PTPRT: variants seen among roughly 807,000 people sequenced by gnomAD.
The protein encoded by PTPRT is receptor-type tyrosine-protein phosphatase T.
PTPRT carries 56 observed loss-of-function variants against 176.8 expected under a neutral mutation model. The observed-to-expected ratio is 0.32, with a 90% confidence interval of 0.26 to 0.40. The LOEUF is 0.40. Ranked by LOEUF, PTPRT falls within the 10% of genes least tolerant of loss-of-function variation. The pLI is 1.00. For synonymous variants in PTPRT, 783 were observed against 739.0 expected (o/e 1.06, Z -0.96); for missense variants, 1,540 against 1,908.2 (o/e 0.81, Z 3.60).
intron 7 of PTPRT, among the ~76,000 whole-genome samples, chr20:42,479,060 T>G (rs931409397): frequency 2.0e-5 from 3 of 152,206 alleles, no homozygotes; most frequent in Non-Finnish European, 4.4e-5. Flanking sequence ...TAAGTCAGAA[T>G]TGGCTCCCTT....
intron 1 of PTPRT, among the ~76,000 whole-genome samples, chr20:42,900,627 C>T (rs562042575): frequency 6.6e-6 from 1 of 152,280 alleles, no homozygotes; most frequent in South Asian, 2.1e-4. Context: ...GCATGGTGGG[C>T]CCTCCTCAGT....
chr20:42,856,157 A>G (rs548300665), intron 2 of PTPRT, among the ~76,000 whole-genome samples: 2 of 152,342 alleles, frequency 1.3e-5, no homozygotes, highest in East Asian at 1.9e-4. Context: ...CAGAATTTCA[A>G]TAAATTTAGA....
At chr20:43,148,207 A>T (rs552287123) in intron 1 of PTPRT, among the ~76,000 whole-genome samples, 8 of 152,250 alleles carry the variant, frequency 5.3e-5, no homozygotes, top group African/African-American at 1.9e-4. Flanking sequence ...CAATCTGCAT[A>T]TCCTCATATT....
At chr20:42,728,756 C>T (rs191667622) in intron 6 of PTPRT, among the ~76,000 whole-genome samples, 1 of 152,292 alleles carries the variant, frequency 6.6e-6, no homozygotes, top group Admixed American at 6.5e-5. Context: ...CTAAATGTGA[C>T]GTTGCTCACC....
chr20:42,695,089 T>C (rs970976754), intron 6 of PTPRT, among the ~76,000 whole-genome samples: 2 of 152,196 alleles, frequency 1.3e-5, no homozygotes, highest in African/African-American at 4.8e-5. Context: ...TGTTTTGTCA[T>C]TGAGTTTTAA....
At chr20:43,164,418 C>T (rs990948907) in intron 1 of PTPRT, among the ~76,000 whole-genome samples, 2 of 152,170 alleles carry the variant, frequency 1.3e-5, no homozygotes, top group Non-Finnish European at 2.9e-5. Context: ...TAAATAAATA[C>T]TTGGAGATAG....
At position 42,247,410 on chromosome 20, in the gene PTPRT, T is replaced by TA. The variant is rs569261663; in HGVS notation, c.2312+1276dup. On this transcript the variant is annotated intron_variant, in intron 14 of 30. Coordinates refer to ENST00000373187, the MANE Select transcript of PTPRT (RefSeq NM_007050.6). ...TTGCTGGAAATGGGGATATTGCTTT[T>TA]AAAAAATTCTTCATTTTATATTCAT... Among the ~76,000 whole-genome samples, 470 of 152,330 alleles carry TA rather than the reference T, an allele frequency of 3.1e-3. 4 individuals carry two copies. Among genetic ancestry groups the TA allele is most frequent in the African/African-American group, 9.8e-3 (407 of 41,576 alleles).
intron 17 of PTPRT, among the ~76,000 whole-genome samples, chr20:42,151,662 C>T (rs1367038593): frequency 6.6e-6 from 1 of 152,162 alleles, no homozygotes; most frequent in Non-Finnish European, 1.5e-5. Flanking sequence ...GGTATATACC[C>T]AGTAATGGGA....
intron 1 of PTPRT, among the ~76,000 whole-genome samples, chr20:43,129,851 C>T (rs2013588020): frequency 6.6e-6 from 1 of 151,848 alleles, no homozygotes. Flanking sequence ...ATCTCCTGAC[C>T]TCGTGATCCG....
chr20:42,148,292 G>C (rs1452115496), intron 17 of PTPRT, among the ~76,000 whole-genome samples: 1 of 124,686 alleles, frequency 8.0e-6, no homozygotes, highest in East Asian at 2.5e-4. Flanking sequence ...TAGTTCAAAA[G>C]ATGTATTTGG....
At chr20:42,402,524 A>G (rs1216157002) in intron 9 of PTPRT, among the ~76,000 whole-genome samples, 2 of 150,296 alleles carry the variant, frequency 1.3e-5, no homozygotes, top group Admixed American at 6.6e-5. Flanking sequence ...AGTCAGCGAC[A>G]GCTAAAGACT....
intron 6 of PTPRT, among the ~76,000 whole-genome samples, chr20:42,693,130 G>A (rs1263159428): frequency 6.6e-6 from 1 of 152,182 alleles, no homozygotes; most frequent in Non-Finnish European, 1.5e-5. Context: ...ATCTGGGGAT[G>A]TATATATACC....
chr20:42,866,944 A>T (rs2078756705), intron 2 of PTPRT, among the ~76,000 whole-genome samples: 1 of 152,266 alleles, frequency 6.6e-6, no homozygotes, highest in Non-Finnish European at 1.5e-5. Flanking sequence ...TGACAAGTAT[A>T]AAGTGCTCAG....
chr20:42,399,088 A>C (rs538930689), intron 9 of PTPRT, among the ~76,000 whole-genome samples: 1 of 152,340 alleles, frequency 6.6e-6, no homozygotes, highest in Non-Finnish European at 1.5e-5. Context: ...GGCGTTTGAA[A>C]ACCTCATTTC....
At chr20:42,876,894 G>A (rs1026436804) in intron 2 of PTPRT, among the ~76,000 whole-genome samples, 9 of 152,022 alleles carry the variant, frequency 5.9e-5, no homozygotes, top group Non-Finnish European at 1.2e-4. Context: ...AGAGGTAAGC[G>A]CTGTGAGGGG....
At chr20:43,100,136 G>C (rs550719550) in intron 1 of PTPRT, among the ~76,000 whole-genome samples, 3 of 152,194 alleles carry the variant, frequency 2.0e-5, no homozygotes, top group African/African-American at 7.2e-5. Context: ...AGCACTTTGG[G>C]AAGCTGAGGC....
chr20:42,484,871 T>G (rs1405136101), intron 7 of PTPRT, among the ~76,000 whole-genome samples: 1 of 152,198 alleles, frequency 6.6e-6, no homozygotes, highest in Non-Finnish European at 1.5e-5. Flanking sequence ...CCTAGGCACC[T>G]CATGCCCAGA....
chr20:42,208,469 CA>C (rs536249322), intron 15 of PTPRT, among the ~76,000 whole-genome samples: 2 of 150,806 alleles, frequency 1.3e-5, no homozygotes, highest in Non-Finnish European at 3.0e-5. Context: ...AAATGGAAAA[CA>C]AAAAAAAGGC....
intron 1 of PTPRT, among the ~76,000 whole-genome samples, chr20:43,024,593 A>AG (rs1380996612): frequency 6.6e-6 from 1 of 151,818 alleles, no homozygotes; most frequent in Non-Finnish European, 1.5e-5. Context: ...CCATCTCAAA[A>AG]AAAAAAAAAA....
Sources: allele counts gnomAD v4.1 joint callset (sites outside exome capture counted in the v4.1 genomes callset), GRCh38; gene constraint gnomAD v4.1.1; transcripts MANE v1.5; gene names NCBI Gene and HGNC (gene_info 2026-07-23, HGNC 2026-07-21).